Variants in EIF2B3 observed in about 807,000 individuals in gnomAD.
The protein encoded by EIF2B3 is translation initiation factor eIF2B subunit gamma.
EIF2B3 carries 20 observed loss-of-function variants against 54.1 expected under a neutral mutation model. The ratio of observed to expected loss-of-function variants is 0.37; its 90% CI spans 0.26 to 0.54. The LOEUF (loss-of-function observed/expected upper bound fraction) is 0.54. Among genes scored for constraint, EIF2B3 ranks in the 20% least tolerant of loss-of-function variants. The probability of loss-of-function intolerance (pLI) is 0.86; values close to 1 mark genes in which losing one functional copy is unlikely to be tolerated. For missense variants in EIF2B3, 448 were observed against 547.8 expected (o/e 0.82, Z 1.82); for synonymous variants, 153 against 188.1 (o/e 0.81, Z 1.52).
intron 4 of EIF2B3, among the ~76,000 whole-genome samples, chr1:44,929,499 C>T (rs1489110905): frequency 6.6e-6 from 1 of 151,964 alleles, no homozygotes; most frequent in Non-Finnish European, 1.5e-5. Flanking sequence ...GTTCAATAAC[C>T]AAATGAAATC....
intron 10 of EIF2B3, among the ~76,000 whole-genome samples, chr1:44,873,188 C>T (rs531870669): frequency 6.6e-6 from 1 of 152,224 alleles, no homozygotes; most frequent in East Asian, 1.9e-4. Flanking sequence ...TATTTTTGGC[C>T]AACTGATATT....
At chr1:44,980,294 C>T (rs1239382039) in intron 2 of EIF2B3, among the ~76,000 whole-genome samples, 2 of 152,060 alleles carry the variant, frequency 1.3e-5, no homozygotes, top group Non-Finnish European at 2.9e-5. Flanking sequence ...GAAACCCTGT[C>T]TCTACTAAAA....
intron 10 of EIF2B3, among the ~76,000 whole-genome samples, chr1:44,866,579 G>A (rs1235598254): frequency 6.6e-6 from 1 of 150,920 alleles, no homozygotes; most frequent in Non-Finnish European, 1.5e-5. Context: ...TTTTTAGATG[G>A]AGTCTCGCTC....
intron 6 of EIF2B3, 94 bp downstream of exon 6, chr1:44,897,261 C>T: frequency 1.1e-6 from 1 of 889,170 alleles, no homozygotes; most frequent in Non-Finnish European, 1.8e-6. Flanking sequence ...ATTTTAGAAA[C>T]TGGTTATCTA....
At chr1:44,859,719 T>C (rs1654548839) in intron 10 of EIF2B3, among the ~76,000 whole-genome samples, 1 of 152,174 alleles carries the variant, frequency 6.6e-6, no homozygotes, top group Non-Finnish European at 1.5e-5. Context: ...GTACATCTAC[T>C]CTATGCCAGG....
intron 6 of EIF2B3, among the ~76,000 whole-genome samples, chr1:44,887,674 C>T (rs1265970513): frequency 6.6e-6 from 1 of 152,124 alleles, no homozygotes; most frequent in East Asian, 1.9e-4. Flanking sequence ...CGCGATGGCT[C>T]ACATCTGTAA....
chr1:44,956,426 A>G (rs933803432), intron 3 of EIF2B3, among the ~76,000 whole-genome samples: 1 of 152,106 alleles, frequency 6.6e-6, no homozygotes, highest in African/African-American at 2.4e-5. Context: ...ATGTGGGCTG[A>G]TGGGTGCAGC....
At chr1:44,857,906 G>T in intron 10 of EIF2B3, 99 bp from the exon 11 acceptor site, 2 of 1,136,372 alleles carry the variant, frequency 1.8e-6, no homozygotes, top group Non-Finnish European at 2.7e-6. Flanking sequence ...GCCAGGAACA[G>T]CTGGGCAGTC....
intron 3 of EIF2B3, among the ~76,000 whole-genome samples, chr1:44,969,310 A>G (rs1644378171): frequency 6.6e-6 from 1 of 152,202 alleles, no homozygotes; most frequent in Non-Finnish European, 1.5e-5. Context: ...ACAAGGGGGA[A>G]AAAAGAAATG....
chr1:44,892,638 C>T (rs1200369004), intron 6 of EIF2B3, among the ~76,000 whole-genome samples: 5 of 151,838 alleles, frequency 3.3e-5, no homozygotes, highest in South Asian at 2.1e-4. Flanking sequence ...ATTCTAAATA[C>T]GTTTCTCTAT....
At chr1:44,956,795 C>G (rs190480644) in intron 3 of EIF2B3, among the ~76,000 whole-genome samples, 1 of 151,892 alleles carries the variant, frequency 6.6e-6, no homozygotes, top group Admixed American at 6.6e-5. Flanking sequence ...CTGTTCATAC[C>G]GTACACAAGA....
At chr1:44,889,786 C>T (rs927835116) in intron 6 of EIF2B3, among the ~76,000 whole-genome samples, 3 of 152,024 alleles carry the variant, frequency 2.0e-5, no homozygotes, top group Non-Finnish European at 4.4e-5. Context: ...GCCTTGGCCT[C>T]CCAAAGTGCT....
intron 3 of EIF2B3, among the ~76,000 whole-genome samples, chr1:44,942,410 TA>T (rs1194519685): frequency 3.2e-3 from 66 of 20,330 alleles, no homozygotes; most frequent in Non-Finnish European, 5.4e-3. Flanking sequence ...TATATATATA[TA>T]TATATATTTT....
intron 5 of EIF2B3, among the ~76,000 whole-genome samples, chr1:44,920,800 C>T (rs1643724391): frequency 6.6e-6 from 1 of 152,178 alleles, no homozygotes; most frequent in Admixed American, 6.5e-5. Flanking sequence ...TTGATGGACG[C>T]TTAGGTTGCT....
intron 3 of EIF2B3, chr1:44,958,627 G>A: frequency 2.6e-6 from 4 of 1,542,964 alleles, no homozygotes; most frequent in Non-Finnish European, 3.6e-6. Context: ...GGCTATGCAT[G>A]GGTCACTGCC....
chr1:44,969,964 T>G (rs1171222468), intron 3 of EIF2B3: 1 of 152,020 alleles, frequency 6.6e-6, no homozygotes, highest in Non-Finnish European at 1.5e-5. Context: ...GTTGTAAGAG[T>G]GGAGCTCACT....
At chr1:44,908,866 A>G (rs1415708786) in intron 5 of EIF2B3, among the ~76,000 whole-genome samples, 3 of 152,202 alleles carry the variant, frequency 2.0e-5, no homozygotes, top group Admixed American at 6.5e-5. Flanking sequence ...GTGGGTCTGA[A>G]TAAAGGCAAA....
intron 10 of EIF2B3, among the ~76,000 whole-genome samples, chr1:44,864,660 T>C (rs1418408605): frequency 6.6e-6 from 1 of 152,232 alleles, no homozygotes; most frequent in Non-Finnish European, 1.5e-5. Context: ...CCTTAAACTA[T>C]CCATTTTCAT....
At chr1:44,861,957 C>T (rs1654621526) in intron 10 of EIF2B3, among the ~76,000 whole-genome samples, 1 of 152,178 alleles carries the variant, frequency 6.6e-6, no homozygotes, top group Admixed American at 6.5e-5. Flanking sequence ...CCCAACACAG[C>T]TTTTCCCCAT....
Sources: gnomAD v4.1 joint callset for allele counts (sites outside exome capture counted in the v4.1 genomes callset) on GRCh38, gnomAD v4.1.1 for gene constraint, MANE v1.5 for transcripts, NCBI Gene and HGNC (gene_info 2026-07-23, HGNC 2026-07-21) for gene names.